Variants in AKAP6 observed in about 807,000 individuals in gnomAD.
AKAP6 encodes A-kinase anchor protein 6.
AKAP6 carries 58 observed loss-of-function variants against 188.5 expected under a neutral mutation model. The ratio of observed to expected loss-of-function variants is 0.31; its 90% CI spans 0.25 to 0.38. AKAP6 has a LOEUF of 0.38. Among genes scored for constraint, AKAP6 ranks in the 10% least tolerant of loss-of-function variants. AKAP6 has a pLI of 1.00. For missense variants in AKAP6, 2,710 were observed against 2,740.0 expected (o/e 0.99, Z 0.24); for synonymous variants, 989 against 998.6 (o/e 0.99, Z 0.18).
intron 1 of AKAP6, among the ~76,000 whole-genome samples, chr14:32,339,170 A>G (rs1886814448): frequency 6.6e-6 from 1 of 152,138 alleles, no homozygotes; most frequent in African/African-American, 2.4e-5. Flanking sequence ...ATGTTTCCTT[A>G]GCTCCCAGAA....
At chr14:32,788,855 G>C (rs184407311) in intron 12 of AKAP6, among the ~76,000 whole-genome samples, 1 of 152,290 alleles carries the variant, frequency 6.6e-6, no homozygotes, top group East Asian at 1.9e-4. Context: ...AATTCAGGGA[G>C]CCAAGCAGCG....
intron 12 of AKAP6, among the ~76,000 whole-genome samples, chr14:32,777,162 G>T (rs76431066): frequency 6.6e-6 from 1 of 152,070 alleles, no homozygotes; most frequent in African/African-American, 2.4e-5. Context: ...TTAAAAGCAA[G>T]ACCTGAAAGG....
In AKAP6 at chr14:32,482,049, G is replaced by A. The variant is rs116144493; in HGVS notation, c.324+48232G>A. On this transcript the variant is annotated intron_variant, in intron 2 of 13. Transcript: ENST00000280979. ...CTTATGTGGGTGGACTGGCCCATTA[G>A]TTGAGACTGTATTATAGCACAACTT... 3.4e-3 allele frequency among the ~76,000 whole-genome samples: 522 copies of A among 152,198 alleles called. 2 individuals are homozygous for A. The highest frequency in any genetic ancestry group is 0.012 in the African/African-American group (487 of 41,554).
chr14:32,824,820 G>A lies in AKAP6; in HGVS notation c.*42+5G>A, dbSNP rs757288296. ...TGAAAATCATCTCACTGAAAGGTAC[G>A]TATAGTCCTCATGCCGTATATGTAT... On this transcript the variant is annotated splice_donor_5th_base_variant and intron_variant, in intron 13 of 13. Coordinates refer to ENST00000280979, the MANE Select transcript of AKAP6 (RefSeq NM_004274.5). 9.0e-6 allele frequency: 14 copies of A among 1,557,188 alleles called. No individual in the cohort carries two copies. The Admixed American group carries it at 9.9e-5, about 11-fold the overall frequency.
intron 9 of AKAP6, among the ~76,000 whole-genome samples, 185 bp from the exon 10 acceptor site, chr14:32,732,269 G>T (rs1251122192): frequency 6.6e-6 from 1 of 151,928 alleles, no homozygotes; most frequent in African/African-American, 2.4e-5. Flanking sequence ...GTGTGTGTGT[G>T]TGTGTGTATA....
rs35147196 is a variant in AKAP6 at position 32,330,713 on chromosome 14, ATTTTTTTTT to A, written c.-35+1327_-35+1335del. Among the ~76,000 whole-genome samples, 29 of 62,400 alleles carry A rather than the reference ATTTTTTTTT, an allele frequency of 4.6e-4. 1 individual carries two copies. Among genetic ancestry groups the A allele is most frequent in the East Asian group, 3.0e-3 (6 of 1,974 alleles). The allele number at this position is 62,400 out of a possible 152,430, so 40.9% of individuals were successfully genotyped here. ...CAATACCTTTAGCTAGCTTGGAGTG[ATTTTTTTTT>A]TTTTTTTTTTTTTTTTTTTTTGCAC... On this transcript the variant is annotated intron_variant, in intron 1 of 13. Transcript: ENST00000280979.
At chr14:32,673,366 C>A (rs1889298825) in intron 7 of AKAP6, among the ~76,000 whole-genome samples, 1 of 152,228 alleles carries the variant, frequency 6.6e-6, no homozygotes, top group Non-Finnish European at 1.5e-5. Context: ...ACTAAGTTTT[C>A]TTCTTCCTTG....
At chr14:32,375,498 AG>A (rs1888130695) in intron 1 of AKAP6, among the ~76,000 whole-genome samples, 1 of 130,004 alleles carries the variant, frequency 7.7e-6, no homozygotes, top group African/African-American at 2.7e-5. Context: ...ATTTAGAGTA[AG>A]CAAAAAAAAA....
chr14:32,566,995 C>T (rs940393306), intron 4 of AKAP6, among the ~76,000 whole-genome samples: 1 of 152,042 alleles, frequency 6.6e-6, no homozygotes, highest in African/African-American at 2.4e-5. Flanking sequence ...TGAATCAGAG[C>T]TCCTGCAGCC....
At chr14:32,603,489 T>G (rs1235027210) in intron 7 of AKAP6, among the ~76,000 whole-genome samples, 2 of 152,130 alleles carry the variant, frequency 1.3e-5, no homozygotes, top group African/African-American at 4.8e-5. Context: ...GGAGAAACAT[T>G]GTCAGCATTT....
chr14:32,713,880 A>G (rs768958879), intron 9 of AKAP6, among the ~76,000 whole-genome samples: 12 of 152,036 alleles, frequency 7.9e-5, no homozygotes, highest in African/African-American at 1.4e-4. Context: ...ATCTCCTTCA[A>G]GAACTTTTCT....
intron 1 of AKAP6, among the ~76,000 whole-genome samples, chr14:32,359,077 C>T (rs1023253865): frequency 3.9e-5 from 6 of 152,032 alleles, no homozygotes; most frequent in Non-Finnish European, 5.9e-5. Flanking sequence ...CTAAGTGCTG[C>T]GTGGGATTAA....
At position 32,526,424 on chromosome 14, in the gene AKAP6, A is replaced by C. The variant is rs541103258; in HGVS notation, c.325-9130A>C. 4.0e-4 allele frequency among the ~76,000 whole-genome samples: 61 copies of C among 152,136 alleles called. 2 individuals carry two copies. The East Asian group carries it at 9.9e-3, about 25-fold the overall frequency. ...ATTTTTGTATTTTTAGTAGAGATGCAGTTTCACCACATTGCCCCGGCTGGT... is the reference window on the plus strand; with the variant it reads ...ATTTTTGTATTTTTAGTAGAGATGCCGTTTCACCACATTGCCCCGGCTGGT... On this transcript the variant is annotated intron_variant, in intron 2 of 13. Transcript: ENST00000280979.
chr14:32,376,962 TG>T (rs1888177597), intron 1 of AKAP6, among the ~76,000 whole-genome samples: 8 of 152,198 alleles, frequency 5.3e-5, no homozygotes, highest in Admixed American at 4.6e-4. Flanking sequence ...CCCAAAGTGC[TG>T]GGATTACAGG....
intron 7 of AKAP6, among the ~76,000 whole-genome samples, chr14:32,605,534 A>T (rs1886095130): frequency 6.6e-6 from 1 of 152,178 alleles, no homozygotes. Flanking sequence ...TATTAATATA[A>T]TCCAAGCCAG....
At position 32,824,544 on chromosome 14, in the gene AKAP6, T is replaced by C. The variant is rs753077518; in HGVS notation, c.6731T>C (p.Phe2244Ser). 10 of 1,613,744 alleles carry C rather than the reference T, an allele frequency of 6.2e-6. No individual in the cohort carries two copies. In the African/African-American group the frequency reaches 1.2e-4, roughly 19 times the overall value. ...AGTGGCTGTGCAGAAAACTTAGAGT[T>C]TACTCCTTCAAAGCTTGACAGTGAA... ...TSSGCAENLE[F>S]TPSKLDSEKE... The change falls in exon 13 of 14, where the codon TTT (phenylalanine) becomes TCT (serine). Residue 2244 changes from phenylalanine to serine, a missense_variant. Coordinates refer to ENST00000280979, the MANE Select transcript of AKAP6 (RefSeq NM_004274.5).
intron 5 of AKAP6, among the ~76,000 whole-genome samples, chr14:32,598,943 A>G (rs1486020667): frequency 6.6e-6 from 1 of 152,166 alleles, no homozygotes; most frequent in Non-Finnish European, 1.5e-5. Flanking sequence ...TTGTTGTGTG[A>G]TATCTGAGAA....
At chr14:32,667,595 C>T (rs1054711963) in intron 7 of AKAP6, among the ~76,000 whole-genome samples, 2 of 151,954 alleles carry the variant, frequency 1.3e-5, no homozygotes, top group East Asian at 3.9e-4. Flanking sequence ...AGCTCAAAGT[C>T]GAGATTCTTG....
chr14:32,598,125 C>A (rs1322890360), intron 5 of AKAP6, among the ~76,000 whole-genome samples: 1 of 152,174 alleles, frequency 6.6e-6, no homozygotes, highest in Non-Finnish European at 1.5e-5. Context: ...CATGATTTCA[C>A]AATTTATGAT....
Sources: gnomAD v4.1 joint callset for allele counts (sites outside exome capture counted in the v4.1 genomes callset) on GRCh38, gnomAD v4.1.1 for gene constraint, MANE v1.5 for transcripts, NCBI Gene and HGNC (gene_info 2026-07-23, HGNC 2026-07-21) for gene names.